The following ANKMY1 variants were observed in gnomAD, a reference collection of about 807,000 sequenced individuals.
The protein encoded by ANKMY1 is ankyrin repeat and MYND domain containing 1.
A neutral mutation model predicts 102.0 loss-of-function variants in ANKMY1; 98 were observed. The observed-to-expected ratio is 0.96, with a 90% confidence interval of 0.82 to 1.14. The LOEUF (loss-of-function observed/expected upper bound fraction) is 1.14. ANKMY1 is among the 50% of genes most tolerant of loss of function. The probability of loss-of-function intolerance (pLI) is 0.00; values close to 1 mark genes in which losing one functional copy is unlikely to be tolerated. For synonymous variants in ANKMY1, 582 were observed against 559.9 expected (o/e 1.04, Z -0.56); for missense variants, 1,330 against 1,347.6 (o/e 0.99, Z 0.20).
rs368735586 is a variant in ANKMY1, at chr2:240,500,518, C to T, written c.2574G>A (p.Met858Ile). ...SHGADILKPV[M>I]LRQGEKEAVG... ...CTGCCTCCTTTTCTCCCTGCCTGAGCATTACAGGCTTCAGGATGTCGGCCC... is the reference window on the plus strand; with the variant it reads ...CTGCCTCCTTTTCTCCCTGCCTGAGTATTACAGGCTTCAGGATGTCGGCCC... Residue 858 changes from methionine to isoleucine, a missense_variant, in exon 14 of 18, where the codon ATG becomes ATA. Transcript: ENST00000401804. The T allele has an allele frequency of 6.2e-7, 1 of 1,614,042 alleles. No individual in the cohort carries two copies. The highest frequency in any genetic ancestry group is 1.3e-5 in the African/African-American group (1 of 74,932).
In ANKMY1 at chr2:240,529,149, C is replaced by T. The variant is rs373716544; in HGVS notation, c.841G>A (p.Ala281Thr). The T allele has an allele frequency of 1.1e-5, 18 of 1,614,066 alleles. No homozygotes were observed. Among genetic ancestry groups the T allele is most frequent in the Admixed American group, 3.3e-5 (2 of 60,000 alleles). The change falls in exon 5 of 18, where the codon GCC becomes ACC. Residue 281 changes from alanine (A) to threonine (T), a missense_variant. Ala to Thr is a moderately conservative substitution (Grantham distance 58). Coordinates refer to ENST00000401804, the MANE Select transcript of ANKMY1 (RefSeq NM_001282771.3). This position sits in a 1 kb window ranked among gnomAD's most constrained non-coding sequence, Gnocchi z 4.2. ...GGAATTTCATTGAGGAAGATGCGGG[C>T]GTCCAGCTCTTTGCGGAAAGAGCTT... ...MTSSFRKELD[A>T]RIFLNEIPPF...
At chr2:240,481,704 A>G (rs2151836814) in intron 16 of ANKMY1, among the ~76,000 whole-genome samples, 1 of 152,332 alleles carries the variant, frequency 6.6e-6, no homozygotes, top group Middle Eastern at 3.4e-3. Flanking sequence ...GTTCTGGAAC[A>G]GCAGAGTGAG....
intron 15 of ANKMY1, among the ~76,000 whole-genome samples, chr2:240,494,506 G>A (rs2077005158): frequency 6.6e-6 from 1 of 152,208 alleles, no homozygotes; most frequent in Non-Finnish European, 1.5e-5. Context: ...TACTGTGGGA[G>A]CATACCTGGC....
At chr2:240,469,439 C>T in the ANKMY1 span, among the ~76,000 whole-genome samples, 5 of 152,198 alleles carry the variant, frequency 3.3e-5, no homozygotes, top group Admixed American at 6.5e-5. Context: ...CAGTCCCTCT[C>T]GGTTCCTCAC....
At chr2:240,554,385 A>G (rs1056043219) in intron 3 of ANKMY1, 4 of 155,748 alleles carry the variant, frequency 2.6e-5, no homozygotes, top group Admixed American at 2.5e-4. Context: ...GGATCCAGCC[A>G]GGCCTGAGGC....
At chr2:240,508,834 C>T (rs1559279922) in intron 12 of ANKMY1, among the ~76,000 whole-genome samples, 1 of 151,928 alleles carries the variant, frequency 6.6e-6, no homozygotes. Flanking sequence ...ATGATGATGT[C>T]TAGGTAGGTG....
At chr2:240,491,091 C>CTTTTTTTTTTTTTTTTTTT (rs200434647) in intron 15 of ANKMY1, among the ~76,000 whole-genome samples, 1 of 129,582 alleles carries the variant, frequency 7.7e-6, no homozygotes. Flanking sequence ...ATGACTTTGT[C>CTTTTTTTTTTTTTTTTTTT]TTTTTTTTTT....
intron 4 of ANKMY1, among the ~76,000 whole-genome samples, chr2:240,552,002 A>C (rs1321478676): frequency 6.6e-6 from 1 of 152,226 alleles, no homozygotes; most frequent in Non-Finnish European, 1.5e-5. Context: ...ATGGCATTCA[A>C]TGTGACTCCA....
rs1482897957 is a variant in ANKMY1 at position 240,523,948 on chromosome 2, G to A, written c.1769C>T (p.Pro590Leu). ...QSHSLLKMAS[P>L]SPCTSSFDKG... is the part of the protein sequence containing the mutation. ...GTCGAAGCTGCTGGTGCACGGTGAG[G>A]GCGAGGCCATCTTCAGCAAGCTGTG... Residue 590 changes from proline to leucine, a missense_variant, in exon 8 of 18, where the codon CCC (proline) becomes CTC (leucine). Physicochemically the swap from Pro to Leu is moderately conservative, Grantham distance 98. Transcript: ENST00000401804. 3 of 1,613,646 alleles carry A rather than the reference G, an allele frequency of 1.9e-6. No individual in the cohort carries two copies. The highest frequency in any genetic ancestry group is 2.2e-5 in the South Asian group (2 of 91,088).
Position 240,504,439 on chromosome 2 carries a change from G to A in ANKMY1, c.2526+3121C>T, listed in dbSNP as rs371026797. On this transcript the variant is annotated intron_variant, in intron 13 of 17. Coordinates refer to ENST00000401804, the MANE Select transcript of ANKMY1 (RefSeq NM_001282771.3). ...ACGTTTCTTGGCTATGACACCAAAGGCAAAGGCAACAAAAGAAAAAATAGA... is the reference window on the plus strand; with the variant it reads ...ACGTTTCTTGGCTATGACACCAAAGACAAAGGCAACAAAAGAAAAAATAGA... 1.3e-3 allele frequency among the ~76,000 whole-genome samples: 205 copies of A among 152,110 alleles called. 10 individuals carry two copies. In the South Asian group the frequency reaches 0.04, roughly 30 times the overall value.
At chr2:240,502,610 C>T (rs112719197) in intron 13 of ANKMY1, among the ~76,000 whole-genome samples, 5,305 of 151,970 alleles carry the variant, frequency 0.035, 125 homozygotes, top group South Asian at 0.079. Flanking sequence ...CTGACCTGCC[C>T]GTCGCTCACC....
intron 15 of ANKMY1, among the ~76,000 whole-genome samples, chr2:240,487,055 A>G (rs1300540069): frequency 1.3e-5 from 2 of 152,166 alleles, no homozygotes; most frequent in African/African-American, 4.8e-5. Context: ...ACTCTGCTCT[A>G]AAACATTGAC....
At position 240,557,328 on chromosome 2, in the gene ANKMY1, C is replaced by A; in HGVS notation, c.8G>T (p.Gly3Val). ...CTCTAAGCTAAGGGAGGCATGGGCC[C>A]CTTCCATGTCTGTGGTCTTCCAACC... MEGAHASLSLEDE... is the reference protein window; with the variant it reads MEVAHASLSLEDE... Residue 3 changes from glycine to valine, a missense_variant, in exon 2 of 18, where the codon GGG (glycine) becomes GTG (valine). Physicochemically the swap from Gly to Val is moderately radical, Grantham distance 109. Coordinates refer to ENST00000401804, the MANE Select transcript of ANKMY1 (RefSeq NM_001282771.3). 15 of 1,557,900 alleles carry A rather than the reference C, an allele frequency of 9.6e-6. No homozygotes were observed. The highest frequency in any genetic ancestry group is 1.2e-5 in the Non-Finnish European group (14 of 1,148,372).
chr2:240,496,072 G>A (rs1051374411), intron 15 of ANKMY1, among the ~76,000 whole-genome samples: 8 of 152,176 alleles, frequency 5.3e-5, no homozygotes, highest in Admixed American at 4.6e-4. Flanking sequence ...AATTTCTTCT[G>A]ATGAGATGCT....
chr2:240,544,082 T>G (rs1161661337), intron 4 of ANKMY1, among the ~76,000 whole-genome samples: 1 of 152,106 alleles, frequency 6.6e-6, no homozygotes, highest in Non-Finnish European at 1.5e-5. Flanking sequence ...AATTATAGAG[T>G]TAAAAGGTTA....
intron 13 of ANKMY1, among the ~76,000 whole-genome samples, chr2:240,502,991 G>A (rs371261597): frequency 6.6e-6 from 1 of 152,062 alleles, no homozygotes; most frequent in South Asian, 2.1e-4. Context: ...CCCAGAGCCC[G>A]TCTCTCCAGT....
Position 240,526,259 on chromosome 2 carries a change from T to C in ANKMY1, c.1140A>G (p.Ala380=), listed in dbSNP as rs2083374820. Residue 380 remains alanine, a synonymous_variant, in exon 6 of 18, where the codon GCA becomes GCG. Transcript: ENST00000401804. ...CCGCAGCAAGCACAGTGTAGCCCTTTGCGTCCGCCACGTCAGCACTAGCAA... is the reference window on the plus strand; with the variant it reads ...CCGCAGCAAGCACAGTGTAGCCCTTCGCGTCCGCCACGTCAGCACTAGCAA... The part of the protein sequence containing the change: ...DNFASADVAD[A]KGYTVLAAAA... The C allele has an allele frequency of 6.2e-7, 1 of 1,614,018 alleles. No homozygotes were observed.
chr2:240,539,839 C>A (rs1363413730), intron 4 of ANKMY1, among the ~76,000 whole-genome samples: 1 of 152,064 alleles, frequency 6.6e-6, no homozygotes, highest in Non-Finnish European at 1.5e-5. Context: ...CCAAGAGGAC[C>A]CCAGAAAAAC....
upstream of ANKMY1, chr2:240,560,346 G>T (rs767619312): frequency 1.9e-5 from 4 of 210,388 alleles, no homozygotes; most frequent in Non-Finnish European, 3.7e-5. Flanking sequence ...AGGGCGCTGC[G>T]CCCAAGAGCC....
Sources: gnomAD v4.1 joint callset for allele counts (sites outside exome capture counted in the v4.1 genomes callset) on GRCh38, gnomAD v4.1.1 for gene constraint, Gnocchi (gnomAD v3.1) non-coding constraint, MANE v1.5 for transcripts, NCBI Gene and HGNC (gene_info 2026-07-23, HGNC 2026-07-21) for gene names.